Variants in TRHDE observed in about 807,000 individuals in gnomAD.
TRHDE encodes thyrotropin releasing hormone degrading enzyme, also known as thyrotropin-releasing hormone-degrading ectoenzyme.
TRHDE carries 72 observed loss-of-function variants against 125.7 expected under a neutral mutation model. The ratio of observed to expected loss-of-function variants is 0.57; its 90% CI spans 0.47 to 0.70. The LOEUF is 0.70. TRHDE is among the 30% of genes least tolerant of loss of function. The pLI, the probability that TRHDE is intolerant of heterozygous loss-of-function variation, is 0.00. For missense variants in TRHDE, 1,110 were observed against 1,327.1 expected (o/e 0.84, Z 2.54); for synonymous variants, 509 against 509.1 (o/e 1.00, Z 0.00).
In TRHDE at chr12:72,551,766, T is replaced by TA. The variant is rs142906180; in HGVS notation, c.1788+9411dup. On this transcript the variant is annotated intron_variant, in intron 7 of 18. Coordinates refer to ENST00000261180, the MANE Select transcript of TRHDE (RefSeq NM_013381.3). Reference sequence around the variant, plus strand: ...CGATAGATAGGAAAAAACAAATAAATATATTTTTTTGCTCAATGTGAAAAA... The same window carrying TA: ...CGATAGATAGGAAAAAACAAATAAATAATATTTTTTTGCTCAATGTGAAAAA... Among the ~76,000 whole-genome samples the TA allele has an allele frequency of 4.9e-3, 747 of 152,140 alleles. 3 individuals are homozygous for TA. Among genetic ancestry groups the TA allele is most frequent in the Non-Finnish European group, 8.0e-3 (547 of 67,982 alleles).
chr12:72,212,637 C>T (rs373620354), intron 2 of TRHDE, among the ~76,000 whole-genome samples: 1 of 152,052 alleles, frequency 6.6e-6, no homozygotes, highest in African/African-American at 2.4e-5. Context: ...CAATGAGATA[C>T]CCCTTAAAAT....
chr12:72,635,570 C>A (rs1873705232), intron 15 of TRHDE, among the ~76,000 whole-genome samples: 1 of 152,028 alleles, frequency 6.6e-6, no homozygotes. Context: ...GACATGAAGT[C>A]CTTGCCCGTG....
intron 2 of TRHDE, among the ~76,000 whole-genome samples, chr12:72,297,724 A>C (rs1880355725): frequency 6.6e-6 from 1 of 152,226 alleles, no homozygotes; most frequent in South Asian, 2.1e-4. Context: ...GAAAGTGCTC[A>C]TCCTTCTCTC....
At chr12:72,324,714 T>C (rs1021655804) in intron 2 of TRHDE, among the ~76,000 whole-genome samples, 5 of 152,138 alleles carry the variant, frequency 3.3e-5, no homozygotes, top group African/African-American at 1.2e-4. Context: ...CGAAAATTTA[T>C]ATTGAGGATA....
chr12:72,413,813 G>A (rs1176938441), intron 3 of TRHDE, among the ~76,000 whole-genome samples: 2 of 152,036 alleles, frequency 1.3e-5, no homozygotes, highest in African/African-American at 4.8e-5. Flanking sequence ...TGGCCTTGCT[G>A]TAGTACAAAT....
chr12:72,107,003 T>G (rs1473679247), intron 2 of TRHDE, among the ~76,000 whole-genome samples: 2 of 152,098 alleles, frequency 1.3e-5, no homozygotes, highest in Admixed American at 6.6e-5. Flanking sequence ...CAGAGAAATA[T>G]CACTCCAAGA....
intron 12 of TRHDE, among the ~76,000 whole-genome samples, chr12:72,606,079 T>C (rs143430714): frequency 2.0e-5 from 3 of 152,330 alleles, no homozygotes; most frequent in Non-Finnish European, 4.4e-5. Context: ...TTGACCAACA[T>C]GCTGCCAGTC....
chr12:72,416,696 G>A (rs942745333), intron 3 of TRHDE, among the ~76,000 whole-genome samples: 1 of 152,028 alleles, frequency 6.6e-6, no homozygotes, highest in African/African-American at 2.4e-5. Flanking sequence ...TAAATATGTG[G>A]ATTTATTTCT....
chr12:72,375,012 A>G (rs1243202025), intron 2 of TRHDE, among the ~76,000 whole-genome samples: 1 of 152,142 alleles, frequency 6.6e-6, no homozygotes, highest in Non-Finnish European at 1.5e-5. Flanking sequence ...TAATCAAGAA[A>G]GCATAGATTG....
rs1289278769 is a variant in TRHDE at position 72,272,994 on chromosome 12, C to T, written c.351C>T (p.Ala117=). 1.3e-6 allele frequency: 2 copies of T among 1,550,056 alleles called. No individual in the cohort carries two copies. The highest frequency in any genetic ancestry group is 2.3e-5 in the South Asian group (2 of 85,206). Residue 117 remains alanine (A), a synonymous_variant, in exon 1 of 19, where the codon GCC becomes GCT. Transcript: ENST00000261180. This position sits in a 1 kb window ranked among gnomAD's most constrained non-coding sequence, Gnocchi z 6.7. Reference sequence around the variant, plus strand: ...GCTTCGACGAGTGCGGGGCGAGTGCCACGCCAGGCGCCGACGGTGGCCCCT... The same window carrying T: ...GCTTCGACGAGTGCGGGGCGAGTGCTACGCCAGGCGCCGACGGTGGCCCCT... The part of the protein sequence containing the change: ...SLRFDECGAS[A]TPGADGGPSG...
chr12:72,217,600 T>G (rs1377835866), intron 2 of TRHDE, among the ~76,000 whole-genome samples: 1 of 152,122 alleles, frequency 6.6e-6, no homozygotes, highest in Non-Finnish European at 1.5e-5. Context: ...AAATCCCTGC[T>G]CCATCATTCC....
At position 72,240,514 on chromosome 12, in the gene TRHDE, C is replaced by T. The variant is rs1164190859; in HGVS notation, n.279+134762C>T. Reference sequence around the variant, plus strand: ...AAGCTCCTCTTTGTCATCTGTTAACCTTATACCATCTGTCCTTAGCAGAGA... The same window carrying T: ...AAGCTCCTCTTTGTCATCTGTTAACTTTATACCATCTGTCCTTAGCAGAGA... On this transcript the variant is annotated intron_variant and non_coding_transcript_variant, in intron 2 of 4. Coordinates refer to the TRHDE transcript ENST00000548156. Among the ~76,000 whole-genome samples the T allele has an allele frequency of 3.3e-5, 5 of 151,938 alleles. No homozygotes were observed. In the South Asian group the frequency reaches 1.0e-3, roughly 32 times the overall value.
At chr12:72,180,914 C>T (rs531884138) in intron 2 of TRHDE, among the ~76,000 whole-genome samples, 17 of 152,234 alleles carry the variant, frequency 1.1e-4, no homozygotes, top group Admixed American at 7.9e-4. Flanking sequence ...GTTATGTGAG[C>T]AAAATGTATA....
rs149560336 is a variant in TRHDE at position 72,340,526 on chromosome 12, A to C, written c.1189-37469A>C. Among the ~76,000 whole-genome samples the C allele has an allele frequency of 3.5e-3, 540 of 152,268 alleles. 10 individuals are homozygous for C. Among genetic ancestry groups the C allele is most frequent in the African/African-American group, 0.012 (518 of 41,578 alleles). ...CTAGAAATGTGCCTACTTCTCTCTTACATAAAAGGAGTATAGAGGTAGTCA... is the reference window on the plus strand; with the variant it reads ...CTAGAAATGTGCCTACTTCTCTCTTCCATAAAAGGAGTATAGAGGTAGTCA... On this transcript the variant is annotated intron_variant, in intron 2 of 18. Transcript: ENST00000261180.
At chr12:72,351,617 C>G (rs540849374) in intron 2 of TRHDE, among the ~76,000 whole-genome samples, 54 of 152,024 alleles carry the variant, frequency 3.6e-4, no homozygotes, top group South Asian at 1.5e-3. Flanking sequence ...ATCTCCATCA[C>G]TACCACCTGG....
intron 1 of TRHDE, among the ~76,000 whole-genome samples, chr12:72,093,629 C>T (rs1162742615): frequency 1.3e-5 from 2 of 152,064 alleles, no homozygotes; most frequent in Non-Finnish European, 2.9e-5. Context: ...AAATTTTTCA[C>T]TTCTGTCGTT....
chr12:72,176,314 C>G (rs537600882), intron 2 of TRHDE, among the ~76,000 whole-genome samples: 3 of 152,022 alleles, frequency 2.0e-5, no homozygotes, highest in African/African-American at 7.2e-5. Context: ...GAGGTTGCAG[C>G]GAGCCAAGAT....
Position 72,635,514 on chromosome 12 carries a change from C to G in TRHDE, c.2675+13763C>G, listed in dbSNP as rs1236157038. Among the ~76,000 whole-genome samples the G allele has an allele frequency of 7.2e-5, 11 of 152,104 alleles. No homozygotes were observed. The East Asian group carries it at 2.1e-3, about 29-fold the overall frequency. Reference sequence around the variant, plus strand: ...AGAAGCTCTTTAGTTTAATGAGATCCCATTTGTCAATTGTGGCTTTTGTTG... The same window carrying G: ...AGAAGCTCTTTAGTTTAATGAGATCGCATTTGTCAATTGTGGCTTTTGTTG... On this transcript the variant is annotated intron_variant, in intron 15 of 18. Coordinates refer to ENST00000261180, the MANE Select transcript of TRHDE (RefSeq NM_013381.3).
rs558252450 is a variant in TRHDE, at chr12:72,586,671, G to A, written c.2321+11129G>A. Among the ~76,000 whole-genome samples, 9 of 152,044 alleles carry A rather than the reference G, an allele frequency of 5.9e-5. No homozygotes were observed. In the South Asian group the frequency reaches 1.2e-3, roughly 21 times the overall value. ...ATGGCCTGGAGTGCAGTTGATTCAC[G>A]CCTCTAACGGGAGGTAGCAGAGGTT... On this transcript the variant is annotated intron_variant, in intron 12 of 18. Coordinates refer to ENST00000261180, the MANE Select transcript of TRHDE (RefSeq NM_013381.3).
Sources: allele counts gnomAD v4.1 joint callset (sites outside exome capture counted in the v4.1 genomes callset), GRCh38; gene constraint gnomAD v4.1.1; non-coding constraint Gnocchi (gnomAD v3.1); transcripts MANE v1.5; gene names NCBI Gene and HGNC (gene_info 2026-07-23, HGNC 2026-07-21).